Variants in G3BP1 observed in about 807,000 individuals in gnomAD.
The protein encoded by G3BP1 is ras GTPase-activating protein-binding protein 1.
Under a neutral mutation model 58.6 loss-of-function variants are expected in G3BP1, and 35 were observed. The ratio of observed to expected loss-of-function variants is 0.60; its 90% CI spans 0.46 to 0.79. G3BP1 has a LOEUF of 0.79. Among genes scored for constraint, G3BP1 ranks in the 30% least tolerant of loss-of-function variants. G3BP1 has a pLI of 0.00. For missense variants in G3BP1, 523 were observed against 580.8 expected, an observed-to-expected ratio of 0.90 and a Z score of 1.02; for synonymous variants, 191 against 195.4, an observed-to-expected ratio of 0.98 and a Z score of 0.19.
At chr5:151,800,387 T>C (rs530706989) in intron 10 of G3BP1, 41 bp downstream of exon 10, 2 of 1,477,526 alleles carry the variant, frequency 1.4e-6, no homozygotes, top group South Asian at 2.3e-5. Context: ...ATCTAGTGTC[T>C]CTCTAGCACT....
chr5:151,796,770 G>A (rs1762758701), intron 6 of G3BP1, among the ~76,000 whole-genome samples: 1 of 152,026 alleles, frequency 6.6e-6, no homozygotes, highest in Admixed American at 6.6e-5. Context: ...AGTGTTAACT[G>A]TATAGATGTG....
At chr5:151,800,891 T>C (rs1762838581) in intron 11 of G3BP1, 22 bp downstream of exon 11, 1 of 139,900 alleles carries the variant, frequency 7.1e-6, no homozygotes, top group Non-Finnish European at 1.3e-5. Context: ...TTTGTCTTGA[T>C]TTTTTTTTTT....
intron 6 of G3BP1, among the ~76,000 whole-genome samples, chr5:151,796,173 G>T (rs1461969341): frequency 1.3e-5 from 2 of 152,154 alleles, no homozygotes; most frequent in African/African-American, 4.8e-5. Flanking sequence ...AACTAATCAG[G>T]TTACTCACTT....
chr5:151,791,383 A>C, intron 4 of G3BP1: 1 of 191,146 alleles, frequency 5.2e-6, no homozygotes, highest in Non-Finnish European at 1.1e-5. Context: ...TATCTCAATA[A>C]TGTCTTAACA....
chr5:151,788,240 T>G (rs1235552234), intron 2 of G3BP1, among the ~76,000 whole-genome samples: 1 of 152,128 alleles, frequency 6.6e-6, no homozygotes, highest in African/African-American at 2.4e-5. Flanking sequence ...GAACATTTTT[T>G]CTCATTTCCT....
chr5:151,795,651 AT>A (rs1762736694), intron 6 of G3BP1, 76 bp downstream of exon 6: 1 of 700,352 alleles, frequency 1.4e-6, no homozygotes, highest in Non-Finnish European at 2.5e-6. Flanking sequence ...GTTGGAGGGC[AT>A]TTACATATTC....
intron 4 of G3BP1, chr5:151,791,857 A>G (rs1762663155): frequency 6.3e-6 from 2 of 316,470 alleles, no homozygotes; most frequent in African/African-American, 2.2e-5. Flanking sequence ...GGGTTTCACC[A>G]TATTCGTCAG....
Position 151,805,609 on chromosome 5 carries a change from T to C in G3BP1, c.*1518T>C, listed in dbSNP as rs555309859. The stretch of plus-strand genomic sequence containing the variant: ...AGAAACTCTAGGTTTGCTGTGATGG[T>C]TAAGACCACAGTGAAGTTGGTATTA... On this transcript the variant is annotated 3_prime_UTR_variant, in exon 12 of 12. Transcript: ENST00000356245. 6.6e-6 allele frequency: 1 copy of C among 152,350 alleles called. No individual in the cohort carries two copies. The highest frequency in any genetic ancestry group is 2.1e-4 in the South Asian group (1 of 4,826). The allele number at this position is 152,350 out of a possible 1,614,324, so 9.4% of individuals were successfully genotyped here.
At chr5:151,781,721 A>G (rs1180008947) in intron 1 of G3BP1, among the ~76,000 whole-genome samples, 2 of 151,738 alleles carry the variant, frequency 1.3e-5, no homozygotes, top group Non-Finnish European at 2.9e-5. Context: ...AAACATATAC[A>G]ATACTGAAAA....
At chr5:151,794,129 A>G in intron 4 of G3BP1, 30 bp from the exon 5 acceptor site, 2 of 1,366,258 alleles carry the variant, frequency 1.5e-6, no homozygotes, top group Non-Finnish European at 2.1e-6. Flanking sequence ...AGTCTGTTGA[A>G]TAAATTAAAA....
At chr5:151,791,114 CAATG>C (rs1427178158) in intron 4 of G3BP1, 52 bp downstream of exon 4, 1 of 1,410,312 alleles carries the variant, frequency 7.1e-7, no homozygotes, top group Non-Finnish European at 1.0e-6. Context: ...AAAAAAGAAA[CAATG>C]AACTGTTGTG....
At chr5:151,790,201 A>T in intron 2 of G3BP1, 122 bp from the exon 3 acceptor site, 1 of 512,602 alleles carries the variant, frequency 2.0e-6, no homozygotes, top group Non-Finnish European at 3.5e-6. Context: ...ACTGCACTCC[A>T]GCCTGGGTGA....
intron 11 of G3BP1, among the ~76,000 whole-genome samples, chr5:151,803,053 A>G (rs190700881): frequency 1.2e-3 from 177 of 152,374 alleles, no homozygotes; most frequent in African/African-American, 4.0e-3. Flanking sequence ...TAAATTGAAT[A>G]TATTGAAATG....
chr5:151,792,661 T>C (rs1581578874), intron 4 of G3BP1, among the ~76,000 whole-genome samples: 1 of 151,278 alleles, frequency 6.6e-6, no homozygotes, highest in East Asian at 2.0e-4. Context: ...TGGAGTGCAG[T>C]GGTAGGATCA....
At chr5:151,777,406 C>T (rs993329096) in intron 1 of G3BP1, among the ~76,000 whole-genome samples, 2 of 152,142 alleles carry the variant, frequency 1.3e-5, no homozygotes, top group African/African-American at 4.8e-5. Context: ...TCAGAATTAA[C>T]ATTTGACATT....
At chr5:151,795,608 C>T in intron 6 of G3BP1, 33 bp downstream of exon 6, 1 of 1,051,452 alleles carries the variant, frequency 9.5e-7, no homozygotes, top group South Asian at 1.3e-5. Flanking sequence ...TCCGGGGCTG[C>T]ATAAGAACTT....
At position 151,803,928 on chromosome 5, in the gene G3BP1, A is replaced by G; in HGVS notation, c.1238A>G (p.Lys413Arg). The G allele has an allele frequency of 1.2e-6, 2 of 1,614,030 alleles. No homozygotes were observed. The highest frequency in any genetic ancestry group is 1.7e-6 in the Non-Finnish European group (2 of 1,179,892). Residue 413 changes from lysine (K) to arginine (R), a missense_variant, in exon 12 of 12, where the codon AAG becomes AGG. Physicochemically the swap from Lys to Arg is conservative, Grantham distance 26. Around this residue, in one of 2 missense-constraint regions of G3BP1, gnomAD observed 125 missense variants for 181.7 expected, o/e 0.69. Coordinates refer to ENST00000356245, the MANE Select transcript of G3BP1 (RefSeq NM_005754.3). ...GAGGTCCGTCTGAATGTCGAAGAGAAGAAGACTCGAGCTGCCAGGGAAGGC... is the reference window on the plus strand; with the variant it reads ...GAGGTCCGTCTGAATGTCGAAGAGAGGAAGACTCGAGCTGCCAGGGAAGGC... ...RGEVRLNVEE[K>R]KTRAAREGDR... is the part of the protein sequence containing the mutation.
At chr5:151,800,932 AT>A in intron 11 of G3BP1, 63 bp downstream of exon 11, 1 of 787,924 alleles carries the variant, frequency 1.3e-6, no homozygotes, top group Non-Finnish European at 2.2e-6. Context: ...GTTCTTTAGA[AT>A]ATATCTTTAC....
At position 151,791,021 on chromosome 5, in the gene G3BP1, G is replaced by A; in HGVS notation, c.310G>A (p.Ala104Thr). 1.2e-6 allele frequency: 2 copies of A among 1,613,888 alleles called. No individual in the cohort carries two copies. Among genetic ancestry groups the A allele is most frequent in the South Asian group, 1.1e-5 (1 of 91,074 alleles). ...VMGLLSNNNQALRRFMQTFVL... is the reference protein window; with the variant it reads ...VMGLLSNNNQTLRRFMQTFVL... The stretch of plus-strand genomic sequence containing the variant: ...GGGGCTTCTCTCTAACAACAACCAG[G>A]CTTTGAGGAGATTCATGCAAACGTT... Residue 104 changes from alanine to threonine, a missense_variant, in exon 4 of 12, where the codon GCT becomes ACT. By Grantham distance (58) the Ala-to-Thr change is moderately conservative. This residue lies in a region of G3BP1 where 398 missense variants were observed against 399.1 expected (regional missense o/e 1.00). Transcript: ENST00000356245.
Sources: gnomAD v4.1 joint callset for allele counts (sites outside exome capture counted in the v4.1 genomes callset) on GRCh38, gnomAD v4.1.1 for gene constraint, gnomAD v4.1.1 regional missense constraint, MANE v1.5 for transcripts, NCBI Gene and HGNC (gene_info 2026-07-23, HGNC 2026-07-21) for gene names.